The following IMMP2L variants were observed in gnomAD, a reference collection of about 807,000 sequenced individuals.
IMMP2L encodes the protein inner mitochondrial membrane peptidase subunit 2.
In IMMP2L, 18 loss-of-function variants were observed where a neutral mutation model predicts 19.3. That is an observed-to-expected ratio of 0.93 (90% confidence interval 0.64 to 1.38). The LOEUF is 1.38. Among genes scored for constraint, IMMP2L ranks in the 40% most tolerant of loss-of-function variants. The pLI is 0.00. For missense variants in IMMP2L, 233 were observed against 218.2 expected (o/e 1.07, Z -0.43); for synonymous variants, 76 against 73.0 (o/e 1.04, Z -0.21).
At chr7:111,110,238 T>C (rs1439224839) in intron 3 of IMMP2L, among the ~76,000 whole-genome samples, 2 of 152,248 alleles carry the variant, frequency 1.3e-5, no homozygotes, top group East Asian at 1.9e-4. Context: ...AAGACATCAT[T>C]AGGGAAAATG....
intron 2 of IMMP2L, among the ~76,000 whole-genome samples, chr7:111,513,986 G>A (rs1437893292): frequency 6.6e-6 from 1 of 151,964 alleles, no homozygotes; most frequent in Non-Finnish European, 1.5e-5. Flanking sequence ...AAAAAAGCTG[G>A]ACTCACAGAA....
intron 2 of IMMP2L, among the ~76,000 whole-genome samples, chr7:111,495,610 G>C (rs775832839): frequency 2.6e-4 from 40 of 152,064 alleles, no homozygotes; most frequent in Non-Finnish European, 5.1e-4. Context: ...TTATCTTTCG[G>C]TTTACGAAAA....
intron 3 of IMMP2L, among the ~76,000 whole-genome samples, chr7:111,381,000 C>T (rs1055487652): frequency 6.6e-6 from 1 of 151,832 alleles, no homozygotes; most frequent in Non-Finnish European, 1.5e-5. Context: ...ATCTGAGCAC[C>T]GTATTTAAAA....
intron 3 of IMMP2L, among the ~76,000 whole-genome samples, chr7:111,152,496 C>T (rs1362352238): frequency 1.3e-5 from 2 of 152,072 alleles, no homozygotes; most frequent in African/African-American, 2.4e-5. Context: ...CTTAGTAGAA[C>T]AAATTTTGAG....
At chr7:111,546,435 C>T (rs1848938763) in intron 1 of IMMP2L, among the ~76,000 whole-genome samples, 1 of 152,182 alleles carries the variant, frequency 6.6e-6, no homozygotes, top group South Asian at 2.1e-4. Context: ...TATTAATACT[C>T]TTTGTATCTT....
chr7:110,824,278 T>C (rs912389027), intron 5 of IMMP2L, among the ~76,000 whole-genome samples: 5 of 152,118 alleles, frequency 3.3e-5, no homozygotes, highest in African/African-American at 1.2e-4. Context: ...TTTTCTCCCA[T>C]GTAACTCCAG....
chr7:111,103,239 G>A lies in IMMP2L; in HGVS notation c.240-139674C>T, dbSNP rs543789734. Among the ~76,000 whole-genome samples, 153 of 151,620 alleles carry A rather than the reference G, an allele frequency of 1.0e-3. No homozygotes were observed. In the Middle Eastern group the frequency reaches 0.01, roughly 10 times the overall value. ...TGTATTAGCATTTCTGCAGATTTATGGTTAATAATTGTACTTCTTTATCTC... is the reference window on the plus strand; with the variant it reads ...TGTATTAGCATTTCTGCAGATTTATAGTTAATAATTGTACTTCTTTATCTC... On this transcript the variant is annotated intron_variant, in intron 3 of 5. Coordinates refer to ENST00000405709, the MANE Select transcript of IMMP2L (RefSeq NM_032549.4).
chr7:111,128,142 A>C (rs1199922198), intron 3 of IMMP2L, among the ~76,000 whole-genome samples: 9 of 152,182 alleles, frequency 5.9e-5, no homozygotes, highest in Non-Finnish European at 1.2e-4. Context: ...AGTTTAAAAC[A>C]ATTCCTTAGT....
intron 3 of IMMP2L, among the ~76,000 whole-genome samples, chr7:111,420,939 G>A (rs1412590709): frequency 1.3e-5 from 2 of 151,810 alleles, no homozygotes; most frequent in African/African-American, 4.9e-5. Flanking sequence ...GGACCGCTGG[G>A]TCAAATGGTA....
chr7:111,081,990 G>T (rs889587392), intron 3 of IMMP2L, among the ~76,000 whole-genome samples: 1 of 152,152 alleles, frequency 6.6e-6, no homozygotes, highest in African/African-American at 2.4e-5. Flanking sequence ...AGTGGAGCAG[G>T]AGTCTCCTAG....
At chr7:111,274,228 G>A (rs187421262) in intron 3 of IMMP2L, among the ~76,000 whole-genome samples, 48 of 152,164 alleles carry the variant, frequency 3.2e-4, no homozygotes, top group African/African-American at 1.1e-3. Flanking sequence ...CTCTGATCTG[G>A]TAGGATCACC....
At chr7:110,858,792 C>T (rs910142315) in intron 5 of IMMP2L, among the ~76,000 whole-genome samples, 3 of 151,808 alleles carry the variant, frequency 2.0e-5, no homozygotes, top group African/African-American at 7.3e-5. Flanking sequence ...TGTGATGTTC[C>T]CCTTCCTGTG....
intron 5 of IMMP2L, among the ~76,000 whole-genome samples, chr7:110,775,445 A>T (rs1398348293): frequency 2.6e-5 from 4 of 152,118 alleles, no homozygotes; most frequent in African/African-American, 9.7e-5. Flanking sequence ...AAACCTAAAG[A>T]AGAGGGCATT....
intron 3 of IMMP2L, among the ~76,000 whole-genome samples, chr7:111,332,784 G>T (rs1438966846): frequency 6.6e-6 from 1 of 152,002 alleles, no homozygotes; most frequent in African/African-American, 2.4e-5. Context: ...ATATCAGTAT[G>T]TTCTATAAAA....
In IMMP2L at chr7:111,411,812, G is replaced by A. The variant is rs61754882; in HGVS notation, c.239+75426C>T. 1,466 of 206,864 alleles carry A rather than the reference G, an allele frequency of 7.1e-3. 70 individuals carry two copies. The highest frequency in any genetic ancestry group is 0.033 in the African/African-American group (1,400 of 42,834). The allele number at this position is 206,864 out of a possible 1,614,324, so 12.8% of individuals were successfully genotyped here. A position where few individuals can be genotyped will look rare whatever the true frequency, so the allele number is the denominator to read the frequency against. On this transcript the variant is annotated intron_variant, in intron 3 of 5. Transcript: ENST00000405709. ...GAATTATGAGCCAATCGATGCCACCGGTTTCATCAACATCAATTACCTCAG... is the reference window on the plus strand; with the variant it reads ...GAATTATGAGCCAATCGATGCCACCAGTTTCATCAACATCAATTACCTCAG...
chr7:111,044,816 G>A (rs1792235193), intron 3 of IMMP2L, among the ~76,000 whole-genome samples: 1 of 152,094 alleles, frequency 6.6e-6, no homozygotes, highest in Non-Finnish European at 1.5e-5. Context: ...ACTAATGAAT[G>A]ACAATCTTTT....
chr7:110,779,248 A>G (rs186093370), intron 5 of IMMP2L, among the ~76,000 whole-genome samples: 41 of 150,898 alleles, frequency 2.7e-4, no homozygotes, highest in Admixed American at 1.7e-3. Flanking sequence ...AGATTCTACT[A>G]GTTATTCTTA....
chr7:110,980,899 A>G (rs974912656), intron 3 of IMMP2L, among the ~76,000 whole-genome samples: 1 of 152,244 alleles, frequency 6.6e-6, no homozygotes, highest in South Asian at 2.1e-4. Flanking sequence ...AAAATAATCC[A>G]AAATGAAAAG....
At chr7:111,264,695 G>A (rs187786993) in intron 3 of IMMP2L, among the ~76,000 whole-genome samples, 1 of 151,240 alleles carries the variant, frequency 6.6e-6, no homozygotes, top group Non-Finnish European at 1.5e-5. Context: ...GGCCAACTGG[G>A]AGGCTGCCCC....
Sources: gnomAD v4.1 joint callset for allele counts (sites outside exome capture counted in the v4.1 genomes callset) on GRCh38, gnomAD v4.1.1 for gene constraint, MANE v1.5 for transcripts, NCBI Gene and HGNC (gene_info 2026-07-23, HGNC 2026-07-21) for gene names.